AOAH: variants seen among roughly 807,000 people sequenced by gnomAD.
The protein encoded by AOAH is acyloxyacyl hydrolase (neutrophil).
A neutral mutation model predicts 92.2 loss-of-function variants in AOAH; 64 were observed. That is an observed-to-expected ratio of 0.69 (90% CI 0.57 to 0.86). AOAH has a LOEUF of 0.86. Among genes scored for constraint, AOAH ranks in the 40% least tolerant of loss-of-function variants. The pLI is 0.00. For missense variants in AOAH, 656 were observed against 694.6 expected (o/e 0.94, Z 0.62); for synonymous variants, 263 against 254.5 (o/e 1.03, Z -0.32).
chr7:36,689,356 T>G (rs899844380), intron 1 of AOAH, among the ~76,000 whole-genome samples: 1 of 152,192 alleles, frequency 6.6e-6, no homozygotes, highest in Non-Finnish European at 1.5e-5. Flanking sequence ...GTGTAATTTC[T>G]AATAATAGAA....
chr7:36,679,811 C>T (rs559827017), intron 2 of AOAH, among the ~76,000 whole-genome samples: 61 of 152,200 alleles, frequency 4.0e-4, no homozygotes, highest in Non-Finnish European at 8.7e-4. Flanking sequence ...GCACATGTTA[C>T]CACGCCCAGT....
At chr7:36,556,264 G>A (rs1294864969) in intron 13 of AOAH, among the ~76,000 whole-genome samples, 1 of 152,154 alleles carries the variant, frequency 6.6e-6, no homozygotes, top group African/African-American at 2.4e-5. Context: ...TCAGAAGCAG[G>A]TTGTTCAGTT....
chr7:36,571,917 G>T (rs1317993125), intron 13 of AOAH, among the ~76,000 whole-genome samples: 1 of 152,102 alleles, frequency 6.6e-6, no homozygotes, highest in Non-Finnish European at 1.5e-5. Context: ...TATACAGATA[G>T]ATAGAAGAAA....
Position 36,540,352 on chromosome 7 carries a change from A to G in AOAH, c.1273T>C (p.Trp425Arg). The G allele has an allele frequency of 6.2e-7, 1 of 1,613,264 alleles. No homozygotes were observed. The highest frequency in any genetic ancestry group is 8.5e-7 in the Non-Finnish European group (1 of 1,179,724). ...LYGLPDGTFL[W>R]DNLHNRYHPL... ...TGATATCTGTTGTGCAAATTATCCCAGAGAAAGGTTCCATCTGGTAAGCCA... is the reference window on the plus strand; with the variant it reads ...TGATATCTGTTGTGCAAATTATCCCGGAGAAAGGTTCCATCTGGTAAGCCA... The change falls in exon 16 of 21, where the codon TGG (tryptophan) becomes CGG (arginine). Residue 425 changes from tryptophan (W) to arginine (R), a missense_variant. By Grantham distance (101) the Trp-to-Arg change is moderately radical. Transcript: ENST00000617537.
In AOAH at chr7:36,632,026, G is replaced by A; in HGVS notation, c.521+10C>T. ...GCTAGTGCTCAGGAAGGTAGAAATT[G>A]TATACATACAATTTAATTTTCTGGC... On this transcript the variant is annotated intron_variant, in intron 6 of 20. Transcript: ENST00000617537. The A allele has an allele frequency of 1.2e-6, 2 of 1,604,530 alleles. No homozygotes were observed. The highest frequency in any genetic ancestry group is 1.7e-6 in the Non-Finnish European group (2 of 1,173,738).
chr7:36,709,898 T>C (rs907745517), intron 1 of AOAH, among the ~76,000 whole-genome samples: 5 of 152,128 alleles, frequency 3.3e-5, no homozygotes, highest in African/African-American at 1.2e-4. Context: ...CCCAAAAAAC[T>C]TGTTCAGTCT....
intron 11 of AOAH, among the ~76,000 whole-genome samples, chr7:36,605,505 T>A (rs189786494): frequency 7.9e-5 from 12 of 152,350 alleles, no homozygotes; most frequent in Non-Finnish European, 1.5e-4. Context: ...AGGCATTGAC[T>A]GACTCACACT....
chr7:36,594,299 A>T (rs1789944324), intron 12 of AOAH, 40 bp downstream of exon 12: 1 of 1,474,952 alleles, frequency 6.8e-7, no homozygotes, highest in Admixed American at 1.7e-5. Context: ...TTCCTTACAC[A>T]GAGGTATTGA....
intron 1 of AOAH, among the ~76,000 whole-genome samples, chr7:36,699,458 T>C (rs1055212558): frequency 2.6e-5 from 4 of 152,022 alleles, no homozygotes; most frequent in African/African-American, 7.2e-5. Context: ...CTTGCTAGCA[T>C]GCATTCCTCC....
chr7:36,688,054 C>T (rs1403495183), intron 1 of AOAH, among the ~76,000 whole-genome samples: 2 of 152,146 alleles, frequency 1.3e-5, no homozygotes, highest in Non-Finnish European at 2.9e-5. Flanking sequence ...TGGATTACCA[C>T]GGTCTTCCTG....
intron 3 of AOAH, among the ~76,000 whole-genome samples, chr7:36,660,390 A>T (rs564230228): frequency 9.2e-5 from 14 of 152,282 alleles, no homozygotes; most frequent in Admixed American, 9.2e-4. Context: ...ATCTCTGCTA[A>T]CTGCAACCTC....
intron 4 of AOAH, among the ~76,000 whole-genome samples, chr7:36,643,784 T>C (rs1196614546): frequency 6.6e-6 from 1 of 151,876 alleles, no homozygotes; most frequent in Admixed American, 6.6e-5. Flanking sequence ...AGTGGGTGAG[T>C]TCTCATGAGA....
At chr7:36,563,989 T>C (rs1249090337) in intron 13 of AOAH, among the ~76,000 whole-genome samples, 2 of 152,190 alleles carry the variant, frequency 1.3e-5, no homozygotes, top group Admixed American at 1.3e-4. Context: ...AATGATTCTC[T>C]AAAACATAGA....
chr7:36,671,067 G>A (rs1484146394), intron 3 of AOAH, among the ~76,000 whole-genome samples: 1 of 152,106 alleles, frequency 6.6e-6, no homozygotes, highest in Non-Finnish European at 1.5e-5. Flanking sequence ...GGACTTTTCA[G>A]CTTGCTGATC....
At chr7:36,594,191 T>C in intron 12 of AOAH, 148 bp downstream of exon 12, 1 of 666,320 alleles carries the variant, frequency 1.5e-6, no homozygotes, top group Non-Finnish European at 2.7e-6. Flanking sequence ...TTGCATTACA[T>C]CCTACTGTAT....
At chr7:36,663,835 C>A (rs996072111) in intron 3 of AOAH, among the ~76,000 whole-genome samples, 8 of 152,062 alleles carry the variant, frequency 5.3e-5, no homozygotes, top group Non-Finnish European at 1.2e-4. Flanking sequence ...TGAATCCTGG[C>A]TTGTATGGTG....
chr7:36,673,248 G>C (rs1427632959), intron 3 of AOAH, among the ~76,000 whole-genome samples: 2 of 152,206 alleles, frequency 1.3e-5, no homozygotes, highest in African/African-American at 2.4e-5. Flanking sequence ...CTCAAAAAAA[G>C]AAAAATAGTA....
chr7:36,679,544 T>TTATACATTATTATATGTATAACATG (rs1796504451), intron 2 of AOAH, among the ~76,000 whole-genome samples: 1 of 134,774 alleles, frequency 7.4e-6, no homozygotes, highest in Non-Finnish European at 1.6e-5. Flanking sequence ...GCAGATATTG[T>TTATACATTATTATATGTATAACATG]TATACATTAT....
chr7:36,684,187 A>G (rs1403835380), intron 2 of AOAH, among the ~76,000 whole-genome samples: 2 of 152,186 alleles, frequency 1.3e-5, no homozygotes, highest in South Asian at 2.1e-4. Context: ...TGAGGAAACT[A>G]TCGAAGGTTA....
Sources: allele counts gnomAD v4.1 joint callset (sites outside exome capture counted in the v4.1 genomes callset), GRCh38; gene constraint gnomAD v4.1.1; transcripts MANE v1.5; gene names NCBI Gene and HGNC (gene_info 2026-07-23, HGNC 2026-07-21).